The following NXPE4 variants were observed in gnomAD, a reference collection of about 807,000 sequenced individuals.
NXPE4 encodes the protein NXPE family member 4.
NXPE4 carries 42 observed loss-of-function variants against 33.3 expected under a neutral mutation model. That is an observed-to-expected ratio of 1.26 (90% CI 0.98 to 1.63). The LOEUF is 1.63. NXPE4 is among the 40% of genes most tolerant of loss of function. The pLI is 0.00. For synonymous variants in NXPE4, 253 were observed against 234.9 expected (o/e 1.08, Z -0.71); for missense variants, 709 against 647.6 (o/e 1.09, Z -1.03).
At chr11:114,650,420 A>G in the NXPE4 span, among the ~76,000 whole-genome samples, 32 of 152,340 alleles carry the variant, frequency 2.1e-4, no homozygotes, top group African/African-American at 7.2e-4. Flanking sequence ...GACTCAGAGA[A>G]GACCAGGAGA....
the NXPE4 span, among the ~76,000 whole-genome samples, chr11:114,650,760 A>G: frequency 3.3e-5 from 5 of 152,270 alleles, no homozygotes; most frequent in South Asian, 1.0e-3. Flanking sequence ...CGGTTGCCAC[A>G]AGAAGGAGGA....
At chr11:114,573,858 G>A (rs540715965) in intron 5 of NXPE4, among the ~76,000 whole-genome samples, 69 of 151,828 alleles carry the variant, frequency 4.5e-4, no homozygotes, top group Non-Finnish European at 7.5e-4. Flanking sequence ...TAAAACAAAT[G>A]AACTTAACAG....
upstream of NXPE4, among the ~76,000 whole-genome samples, chr11:114,597,150 C>A (rs1164368552): frequency 6.6e-6 from 1 of 151,914 alleles, no homozygotes; most frequent in Non-Finnish European, 1.5e-5. Context: ...ATATTGTAAC[C>A]CTGGTATAAC....
chr11:114,673,685 T>C, the NXPE4 span, among the ~76,000 whole-genome samples: 1 of 151,840 alleles, frequency 6.6e-6, no homozygotes, highest in East Asian at 1.9e-4. Flanking sequence ...TAACTCTCTA[T>C]GCCAAAGAGA....
At chr11:114,571,758 GA>G (rs1319085674) in intron 5 of NXPE4, among the ~76,000 whole-genome samples, 1 of 152,128 alleles carries the variant, frequency 6.6e-6, no homozygotes, top group Non-Finnish European at 1.5e-5. Context: ...TCTGCTCCAA[GA>G]ACTGCCACAG....
Position 114,580,324 on chromosome 11 carries a change from T to C in NXPE4, c.907A>G (p.Met303Val), listed in dbSNP as rs752723371. Reference protein sequence around the residue: ...VSKCNKETVAMKEKCKFGMTS... With the variant: ...VSKCNKETVAVKEKCKFGMTS... ...ATTCCAAACTTGCATTTCTCTTTCA[T>C]TGCAACTGTTTCTTCTGCCAAAGAA... Residue 303 changes from methionine (M) to valine (V), a missense_variant, in exon 5 of 6, where the codon ATG (methionine) becomes GTG (valine). Coordinates refer to ENST00000375478, the MANE Select transcript of NXPE4 (RefSeq NM_001077639.2). 8 of 1,613,796 alleles carry C rather than the reference T, an allele frequency of 5.0e-6. No homozygotes were observed. The Admixed American group carries it at 1.0e-4, about 20-fold the overall frequency.
At chr11:114,638,196 C>T in the NXPE4 span, among the ~76,000 whole-genome samples, 23 of 152,004 alleles carry the variant, frequency 1.5e-4, no homozygotes, top group East Asian at 1.4e-3. Context: ...CTTCCCTTCT[C>T]GCTTCATTTC....
the NXPE4 span, among the ~76,000 whole-genome samples, chr11:114,601,592 AT>A: frequency 7.4e-4 from 2 of 2,698 alleles, no homozygotes; most frequent in Non-Finnish European, 1.7e-3. Flanking sequence ...TATTATATAT[AT>A]TATTTATAAT....
the NXPE4 span, among the ~76,000 whole-genome samples, chr11:114,618,705 C>T: frequency 1.3e-5 from 2 of 151,980 alleles, no homozygotes; most frequent in Non-Finnish European, 1.5e-5. Context: ...AGTGCTGTGT[C>T]GTGGGTAACA....
the NXPE4 span, among the ~76,000 whole-genome samples, chr11:114,627,301 T>A: frequency 8.5e-5 from 13 of 152,062 alleles, no homozygotes; most frequent in African/African-American, 3.1e-4. Context: ...GGGAAGCCCA[T>A]CAGACTAACA....
chr11:114,635,526 C>T, the NXPE4 span, among the ~76,000 whole-genome samples: 1 of 152,002 alleles, frequency 6.6e-6, no homozygotes, highest in Non-Finnish European at 1.5e-5. Flanking sequence ...TGAGAGAGGG[C>T]ATCCCTGTCT....
chr11:114,575,329 A>G (rs1948972774), intron 5 of NXPE4, among the ~76,000 whole-genome samples: 1 of 152,132 alleles, frequency 6.6e-6, no homozygotes, highest in Admixed American at 6.6e-5. Context: ...ATAGTACTGG[A>G]AGTCCTAGCT....
Position 114,594,739 on chromosome 11 carries a change from A to C in NXPE4, c.21T>G (p.Asn7Lys), listed in dbSNP as rs747541358. ...ACAACAGTGCCAATAGTGACTTATA[A>C]TTTATCATACTTATTTTCATGATTA... MKISMINYKSLLALLFI... is the reference protein window; with the variant it reads MKISMIKYKSLLALLFI... The change falls in exon 2 of 6, where the codon AAT (asparagine) becomes AAG (lysine). Residue 7 changes from asparagine (N) to lysine (K), a missense_variant. By Grantham distance (94) the Asn-to-Lys change is moderately conservative. Transcript: ENST00000375478. The C allele has an allele frequency of 6.4e-7, 1 of 1,571,192 alleles. No homozygotes were observed. Among genetic ancestry groups the C allele is most frequent in the South Asian group, 1.1e-5 (1 of 88,158 alleles).
chr11:114,658,567 C>T, the NXPE4 span, among the ~76,000 whole-genome samples: 1 of 152,128 alleles, frequency 6.6e-6, no homozygotes, highest in Non-Finnish European at 1.5e-5. Flanking sequence ...TCTAAGAACA[C>T]TAAAGTGTTA....
chr11:114,571,332 T>A lies in NXPE4; in HGVS notation c.1241A>T (p.Glu414Val). The A allele has an allele frequency of 6.2e-7, 1 of 1,614,078 alleles. No individual in the cohort carries two copies. Among genetic ancestry groups the A allele is most frequent in the Non-Finnish European group, 8.5e-7 (1 of 1,179,950 alleles). The change falls in exon 6 of 6, where the codon GAG becomes GTG. Residue 414 changes from glutamate to valine, a missense_variant. Physicochemically the swap from Glu to Val is moderately radical, Grantham distance 121. Transcript: ENST00000375478. ...GSMTYSVKEM[E>V]YLTRAIDRTG... Reference sequence around the variant, plus strand: ...TCTGTCAATGGCCCGGGTGAGGTACTCCATCTCTTTGACTGAATAGGTCAT... The same window carrying A: ...TCTGTCAATGGCCCGGGTGAGGTACACCATCTCTTTGACTGAATAGGTCAT...
intron 5 of NXPE4, among the ~76,000 whole-genome samples, chr11:114,574,289 T>C (rs181576016): frequency 1.2e-3 from 175 of 151,760 alleles, no homozygotes; most frequent in African/African-American, 3.6e-3. Flanking sequence ...ACTAATGTCA[T>C]AGCTCATGGA....
the NXPE4 span, among the ~76,000 whole-genome samples, chr11:114,604,639 C>T: frequency 4.3e-3 from 648 of 152,044 alleles, 6 homozygotes; most frequent in South Asian, 5.6e-3. Context: ...TGTGGGTAAC[C>T]GCTGTTACCC....
chr11:114,660,337 T>G, the NXPE4 span, among the ~76,000 whole-genome samples: 3 of 152,096 alleles, frequency 2.0e-5, no homozygotes, highest in South Asian at 6.2e-4. Flanking sequence ...AAAACTAGAA[T>G]TAACATAGAG....
the NXPE4 span, among the ~76,000 whole-genome samples, chr11:114,613,440 T>G: frequency 6.6e-6 from 1 of 151,514 alleles, no homozygotes; most frequent in Non-Finnish European, 1.5e-5. Flanking sequence ...GTGTTGCCTC[T>G]TGTGTAACCA....
Sources: gnomAD v4.1 joint callset for allele counts (sites outside exome capture counted in the v4.1 genomes callset) on GRCh38, gnomAD v4.1.1 for gene constraint, MANE v1.5 for transcripts, NCBI Gene and HGNC (gene_info 2026-07-23, HGNC 2026-07-21) for gene names.